The following ROBO1 variants were observed in gnomAD, a reference collection of about 807,000 sequenced individuals.
ROBO1 encodes roundabout guidance receptor 1, also known as roundabout homolog 1.
Under a neutral mutation model 195.9 loss-of-function variants are expected in ROBO1, and 149 were observed. That is an observed-to-expected ratio of 0.76 (90% CI 0.67 to 0.87). The LOEUF (loss-of-function observed/expected upper bound fraction) is 0.87. ROBO1 is among the 40% of genes least tolerant of loss of function. ROBO1 has a pLI of 0.00. For missense variants in ROBO1, 1,933 were observed against 2,068.3 expected (o/e 0.93, Z 1.27); for synonymous variants, 816 against 733.2 (o/e 1.11, Z -1.82).
intron 4 of ROBO1, among the ~76,000 whole-genome samples, chr3:78,818,873 G>T (rs1245320738): frequency 1.3e-5 from 2 of 152,214 alleles, no homozygotes; most frequent in Non-Finnish European, 2.9e-5. Flanking sequence ...AAATAGGTGA[G>T]TGACACTACA....
intron 4 of ROBO1, among the ~76,000 whole-genome samples, chr3:78,825,063 C>T (rs1011999503): frequency 1.3e-5 from 2 of 152,142 alleles, no homozygotes; most frequent in Non-Finnish European, 2.9e-5. Context: ...CCTTTTAACA[C>T]TATCACTCTA....
chr3:78,743,776 C>T (rs947374496), intron 5 of ROBO1, among the ~76,000 whole-genome samples: 2 of 152,134 alleles, frequency 1.3e-5, no homozygotes, highest in African/African-American at 4.8e-5. Flanking sequence ...AGACAAGTAG[C>T]TTCCTTGGTT....
At chr3:79,691,625 T>G (rs1288149717) in intron 1 of ROBO1, among the ~76,000 whole-genome samples, 1 of 151,814 alleles carries the variant, frequency 6.6e-6, no homozygotes, top group Non-Finnish European at 1.5e-5. Context: ...AGACCGACTG[T>G]GCATCCAATA....
At chr3:79,285,427 C>T (rs111829144) in intron 2 of ROBO1, among the ~76,000 whole-genome samples, 30 of 152,280 alleles carry the variant, frequency 2.0e-4, no homozygotes, top group African/African-American at 7.2e-4. Context: ...GCCCTTGAAA[C>T]CCAGAATACT....
intron 2 of ROBO1, among the ~76,000 whole-genome samples, chr3:79,219,498 T>C (rs1576831339): frequency 1.3e-5 from 2 of 151,932 alleles, no homozygotes; most frequent in Non-Finnish European, 2.9e-5. Context: ...CCACAAGAAG[T>C]GTGATATGCA....
chr3:79,745,169 AT>A (rs1703819989), intron 1 of ROBO1, among the ~76,000 whole-genome samples: 1 of 152,158 alleles, frequency 6.6e-6, no homozygotes, highest in African/African-American at 2.4e-5. Context: ...AGAAGTTCTT[AT>A]CACCACATTG....
intron 4 of ROBO1, among the ~76,000 whole-genome samples, chr3:78,860,583 A>G (rs1294186127): frequency 6.6e-6 from 1 of 152,066 alleles, no homozygotes; most frequent in Non-Finnish European, 1.5e-5. Flanking sequence ...AATGTAAGTA[A>G]CTAGTCTAAC....
At chr3:78,968,321 C>T (rs917961233) in intron 3 of ROBO1, among the ~76,000 whole-genome samples, 5 of 142,472 alleles carry the variant, frequency 3.5e-5, no homozygotes, top group Non-Finnish European at 7.5e-5. Context: ...GTCTCCCAGG[C>T]TGGAATGCAG....
At chr3:79,261,580 A>C (rs1011786108) in intron 2 of ROBO1, among the ~76,000 whole-genome samples, 1 of 152,014 alleles carries the variant, frequency 6.6e-6, no homozygotes, top group African/African-American at 2.4e-5. Context: ...CTATCTTCTT[A>C]AGAGCTTGCA....
intron 5 of ROBO1, among the ~76,000 whole-genome samples, chr3:78,744,654 G>A (rs2082613345): frequency 6.6e-6 from 1 of 151,986 alleles, no homozygotes; most frequent in Admixed American, 6.6e-5. Flanking sequence ...TATTTTATCT[G>A]CCTAGAATAC....
rs189543534 is a variant in ROBO1, at chr3:79,375,106, C to T, written c.88+214718G>A. Among the ~76,000 whole-genome samples, 111 of 152,212 alleles carry T rather than the reference C, an allele frequency of 7.3e-4. 1 individual carries two copies. The highest frequency in any genetic ancestry group is 1.4e-3 in the Non-Finnish European group (93 of 68,012). ...AAATCAGGTAGTCAACAAACACCCA[C>T]ATTATAAAGGAGGGTGAATCAAATG... On this transcript the variant is annotated intron_variant, in intron 2 of 30. Transcript: ENST00000464233.
At chr3:78,996,484 T>C (rs2077369742) in intron 3 of ROBO1, among the ~76,000 whole-genome samples, 1 of 152,150 alleles carries the variant, frequency 6.6e-6, no homozygotes, top group Non-Finnish European at 1.5e-5. Flanking sequence ...AACAGTGGCC[T>C]CTCTCTGCAA....
intron 3 of ROBO1, among the ~76,000 whole-genome samples, chr3:78,991,538 C>T (rs2077237759): frequency 6.6e-6 from 1 of 152,170 alleles, no homozygotes; most frequent in African/African-American, 2.4e-5. Flanking sequence ...TGACCCTTTC[C>T]CAGTGAAACT....
intron 2 of ROBO1, among the ~76,000 whole-genome samples, chr3:79,255,861 A>G (rs1349173576): frequency 6.6e-6 from 1 of 152,158 alleles, no homozygotes; most frequent in Non-Finnish European, 1.5e-5. Flanking sequence ...GTGAGGTAAC[A>G]TCTGCCTCAA....
At chr3:78,976,841 T>C (rs1424882330) in intron 3 of ROBO1, among the ~76,000 whole-genome samples, 1 of 152,152 alleles carries the variant, frequency 6.6e-6, no homozygotes, top group Non-Finnish European at 1.5e-5. Context: ...AAAAACAATA[T>C]ATTAATTTTC....
chr3:78,764,373 C>G (rs2083178039), intron 4 of ROBO1, among the ~76,000 whole-genome samples: 1 of 152,140 alleles, frequency 6.6e-6, no homozygotes. Flanking sequence ...TTCCCAATTT[C>G]ATGATCATTA....
intron 4 of ROBO1, among the ~76,000 whole-genome samples, chr3:78,904,704 G>GTATATGTATACGTATACA (rs1559983607): frequency 7.2e-6 from 1 of 138,072 alleles, no homozygotes; most frequent in African/African-American, 3.2e-5. Flanking sequence ...ATGTATATAT[G>GTATATGTATACGTATACA]TATATATATA....
intron 2 of ROBO1, among the ~76,000 whole-genome samples, chr3:79,553,737 A>T (rs1942603800): frequency 6.6e-6 from 1 of 152,116 alleles, no homozygotes; most frequent in South Asian, 2.1e-4. Flanking sequence ...TCAGCACAGA[A>T]ATACTGATAA....
At chr3:78,904,918 C>T (rs1236911911) in intron 4 of ROBO1, among the ~76,000 whole-genome samples, 2 of 151,758 alleles carry the variant, frequency 1.3e-5, no homozygotes, top group Admixed American at 6.6e-5. Context: ...GAAATGATTC[C>T]TTACTATACC....
Sources: gnomAD v4.1 joint callset for allele counts (sites outside exome capture counted in the v4.1 genomes callset) on GRCh38, gnomAD v4.1.1 for gene constraint, MANE v1.5 for transcripts, NCBI Gene and HGNC (gene_info 2026-07-23, HGNC 2026-07-21) for gene names.